STK3: variants seen among roughly 807,000 people sequenced by gnomAD.
STK3 encodes the protein serine/threonine kinase 3.
STK3 carries 41 observed loss-of-function variants against 58.0 expected under a neutral mutation model. The observed-to-expected ratio is 0.71, with a 90% CI of 0.55 to 0.92. The LOEUF (loss-of-function observed/expected upper bound fraction) is 0.92. Ranked by LOEUF, STK3 falls within the 40% of genes least tolerant of loss-of-function variation. The probability of loss-of-function intolerance (pLI) is 0.00; values close to 1 mark genes in which losing one functional copy is unlikely to be tolerated. For missense variants in STK3, 479 were observed against 602.7 expected (o/e 0.79, Z 2.15); for synonymous variants, 170 against 191.0 (o/e 0.89, Z 0.91).
At chr8:98,778,867 C>G (rs1286061670) in intron 1 of STK3, 1 of 152,054 alleles carries the variant, frequency 6.6e-6, no homozygotes, top group African/African-American at 2.4e-5. Context: ...ACATCGCACA[C>G]CGGGGACGGT....
chr8:98,377,080 T>C lies in STK3; in HGVS notation n.111+2073A>G, dbSNP rs543714520. 7.9e-5 allele frequency among the ~76,000 whole-genome samples: 12 copies of C among 152,300 alleles called. No individual in the cohort carries two copies. The East Asian group carries it at 2.3e-3, about 29-fold the overall frequency. On this transcript the variant is annotated intron_variant and non_coding_transcript_variant, in intron 2 of 2. Coordinates refer to the STK3 transcript ENST00000518704. ...ACCTGGAAGACTCTTCTTCCAGATA[T>C]CTGCTAATGCTGTCATTTTAGACAT...
intron 10 of STK3, among the ~76,000 whole-genome samples, chr8:98,508,072 A>C (rs1298072170): frequency 6.6e-6 from 1 of 152,172 alleles, no homozygotes; most frequent in African/African-American, 2.4e-5. Flanking sequence ...GTGAAGGTAG[A>C]GATTTTTGTC....
At chr8:98,386,543 A>G (rs916765856) in intron 1 of STK3, among the ~76,000 whole-genome samples, 1 of 152,232 alleles carries the variant, frequency 6.6e-6, no homozygotes, top group African/African-American at 2.4e-5. Context: ...ATATATACAT[A>G]TTGGTTATAT....
Position 98,825,554 on chromosome 8 carries a change from A to G in STK3, c.-14T>C. The G allele has an allele frequency of 6.9e-7, 1 of 1,453,700 alleles. No individual in the cohort carries two copies. 90.1% of individuals were successfully genotyped at this position (1,453,700 alleles called of 1,614,324 possible). ...CGGCTGCTCCATGGCGGCCGGGGACAGAGAGAGGGACCTGGTGGACGGCGA... is the reference window on the plus strand; with the variant it reads ...CGGCTGCTCCATGGCGGCCGGGGACGGAGAGAGGGACCTGGTGGACGGCGA... On this transcript the variant is annotated 5_prime_UTR_variant, in exon 1 of 11. Transcript: ENST00000419617.
chr8:98,706,798 C>T (rs192985469), intron 5 of STK3, among the ~76,000 whole-genome samples, 164 bp from the exon 6 acceptor site: 2 of 152,240 alleles, frequency 1.3e-5, no homozygotes, highest in African/African-American at 4.8e-5. Context: ...CTTAGGAATT[C>T]CGAATTCTGA....
intron 8 of STK3, 89 bp from the exon 9 acceptor site, chr8:98,548,250 T>C: frequency 1.0e-6 from 1 of 994,220 alleles, no homozygotes; most frequent in Non-Finnish European, 1.3e-6. Context: ...TATTATAGTT[T>C]TAATACTTAT....
intron 8 of STK3, among the ~76,000 whole-genome samples, chr8:98,571,326 A>G (rs1465080954): frequency 6.6e-6 from 1 of 152,056 alleles, no homozygotes. Context: ...GTGAGACTCC[A>G]TCTCAAAGAA....
chr8:98,359,093 G>A, the STK3 span, among the ~76,000 whole-genome samples: 1 of 152,180 alleles, frequency 6.6e-6, no homozygotes, highest in East Asian at 1.9e-4. Context: ...AGAGATGTGA[G>A]CTCCCAGGGG....
Position 98,653,916 on chromosome 8 carries a change from T to C in STK3, c.684+52551A>G, listed in dbSNP as rs545082747. Among the ~76,000 whole-genome samples the C allele has an allele frequency of 2.7e-4, 41 of 152,328 alleles. No individual in the cohort carries two copies. In the South Asian group the frequency reaches 8.5e-3, roughly 32 times the overall value. ...TTCTACCAGAGGTACAAGGAGGAAC[T>C]GGTACCATTCCTTCTGAAACTATTC... On this transcript the variant is annotated intron_variant, in intron 6 of 10. Transcript: ENST00000419617.
At chr8:98,799,670 C>T (rs925295934) in intron 1 of STK3, among the ~76,000 whole-genome samples, 1 of 152,096 alleles carries the variant, frequency 6.6e-6, no homozygotes, top group African/African-American at 2.4e-5. Context: ...TATCAGTACC[C>T]CTCAAAGCTC....
At chr8:98,828,987 A>T (rs1193597101), upstream of STK3, among the ~76,000 whole-genome samples, 1 of 152,202 alleles carries the variant, frequency 6.6e-6, no homozygotes, top group Non-Finnish European at 1.5e-5. Context: ...CTGCAGATTC[A>T]TTCTCCATCC....
intron 6 of STK3, among the ~76,000 whole-genome samples, chr8:98,633,140 G>C (rs987931575): frequency 6.6e-6 from 1 of 152,038 alleles, no homozygotes; most frequent in Admixed American, 6.6e-5. Flanking sequence ...AGGAAGCCCA[G>C]AAGAAAAGTT....
At chr8:98,350,809 C>G in the STK3 span, among the ~76,000 whole-genome samples, 1 of 152,198 alleles carries the variant, frequency 6.6e-6, no homozygotes, top group East Asian at 1.9e-4. Context: ...TTATCTCCCA[C>G]TGGGTCCCTC....
At chr8:98,365,548 A>T in the STK3 span, among the ~76,000 whole-genome samples, 1 of 152,268 alleles carries the variant, frequency 6.6e-6, no homozygotes, top group African/African-American at 2.4e-5. Context: ...ACACATGCTT[A>T]CTTGTAAATT....
At chr8:98,730,455 T>C (rs373401513) in intron 4 of STK3, among the ~76,000 whole-genome samples, 9 of 152,086 alleles carry the variant, frequency 5.9e-5, no homozygotes, top group East Asian at 1.9e-4. Context: ...TGGTGGCTCA[T>C]ATCTGTAATC....
At chr8:98,608,747 C>T (rs944891730) in intron 6 of STK3, among the ~76,000 whole-genome samples, 7 of 152,092 alleles carry the variant, frequency 4.6e-5, no homozygotes, top group Admixed American at 2.0e-4. Context: ...GTGGTAGACA[C>T]GGATGAGCAT....
Position 98,455,860 on chromosome 8 carries a change from T to C in STK3, c.1458A>G (p.Arg486=). 1.9e-6 allele frequency: 3 copies of C among 1,613,718 alleles called. No homozygotes were observed. Among genetic ancestry groups the C allele is most frequent in the Non-Finnish European group, 2.5e-6 (3 of 1,179,810 alleles). The part of the protein sequence containing the change: ...PILDAMDAKK[R]RQQNF ...ATTAGACTCAAAAGTTTTGCTGCCT[T>C]CTTTTCTTTGCATCCATCGCATCCA... The change falls in exon 11 of 11, where the codon AGA becomes AGG. Residue 486 remains arginine, a synonymous_variant. Coordinates refer to ENST00000419617, the MANE Select transcript of STK3 (RefSeq NM_006281.4).
chr8:98,916,556 A>G (rs1422310515), intron 1 of STK3, among the ~76,000 whole-genome samples: 1 of 152,196 alleles, frequency 6.6e-6, no homozygotes, highest in Non-Finnish European at 1.5e-5. Context: ...ACTGAGACTT[A>G]GTTTCTCTTC....
At chr8:98,635,474 G>A (rs1819550042) in intron 6 of STK3, among the ~76,000 whole-genome samples, 1 of 152,150 alleles carries the variant, frequency 6.6e-6, no homozygotes, top group Non-Finnish European at 1.5e-5. Flanking sequence ...AAAGGACAGA[G>A]TTGAAAATGG....
Sources: allele counts gnomAD v4.1 joint callset (sites outside exome capture counted in the v4.1 genomes callset), GRCh38; gene constraint gnomAD v4.1.1; transcripts MANE v1.5; gene names NCBI Gene and HGNC (gene_info 2026-07-23, HGNC 2026-07-21).